SORBS3: variants seen among roughly 807,000 people sequenced by gnomAD.
SORBS3 encodes sorbin and SH3 domain containing 3.
A neutral mutation model predicts 98.0 loss-of-function variants in SORBS3; 69 were observed. That is an observed-to-expected ratio of 0.70 (90% CI 0.58 to 0.86). The LOEUF is 0.86. Ranked by LOEUF, SORBS3 falls within the 40% of genes least tolerant of loss-of-function variation. The pLI is 0.00. For synonymous variants in SORBS3, 394 were observed against 355.4 expected (o/e 1.11, Z -1.22); for missense variants, 954 against 908.5 (o/e 1.05, Z -0.64).
upstream of SORBS3, chr8:22,551,913 C>T (rs917505705): frequency 2.9e-5 from 29 of 985,306 alleles, no homozygotes; most frequent in African/African-American, 4.4e-4. The surrounding 1 kb of genome is among the most constrained non-coding windows in gnomAD (Gnocchi z 5.8). Context: ...CGACGGCCCG[C>T]GCTTCTCCTT....
At chr8:22,571,271 TC>T in intron 18 of SORBS3, 50 bp downstream of exon 18, 2 of 1,074,080 alleles carry the variant, frequency 1.9e-6, no homozygotes, top group Non-Finnish European at 2.7e-6. Context: ...TCACCCCTCA[TC>T]CCCCACCCCC....
At chr8:22,547,901 G>A (rs1235875116), upstream of SORBS3, among the ~76,000 whole-genome samples, 1 of 152,162 alleles carries the variant, frequency 6.6e-6, no homozygotes, top group Non-Finnish European at 1.5e-5. Context: ...GGATAAATTG[G>A]GCAAACGGCT....
intron 7 of SORBS3, among the ~76,000 whole-genome samples, chr8:22,563,620 T>C (rs1840341671): frequency 6.6e-6 from 1 of 152,110 alleles, no homozygotes; most frequent in Non-Finnish European, 1.5e-5. Context: ...CAGGACACTT[T>C]AGCAAAAAGG....
chr8:22,547,392 ATAATT>A (rs1015439201), upstream of SORBS3, among the ~76,000 whole-genome samples: 9 of 152,164 alleles, frequency 5.9e-5, no homozygotes, highest in Non-Finnish European at 1.3e-4. Flanking sequence ...CAGTAGATGA[ATAATT>A]TAATGGTAAA....
chr8:22,571,699 T>G lies in SORBS3; in HGVS notation c.1744-19T>G, dbSNP rs748524651. On this transcript the variant is annotated intron_variant, in intron 18 of 20. Transcript: ENST00000240123. ...CGTCTTCCTCCCTCTGACATCCCTT[T>G]CTTCCTGTCAACTCCCAGAATCTTG... 4.4e-6 allele frequency: 7 copies of G among 1,584,908 alleles called. No individual in the cohort carries two copies. Among genetic ancestry groups the G allele is most frequent in the African/African-American group, 1.3e-5 (1 of 74,296 alleles).
intron 5 of SORBS3, among the ~76,000 whole-genome samples, chr8:22,558,684 A>G (rs576433108): frequency 6.6e-6 from 1 of 152,334 alleles, no homozygotes; most frequent in African/African-American, 2.4e-5. Context: ...GAAGTCACAC[A>G]ATAAACAGAC....
chr8:22,554,731 C>A lies in SORBS3; in HGVS notation c.102+123C>A. 2.2e-6 allele frequency: 3 copies of A among 1,363,426 alleles called. No individual in the cohort carries two copies. Among genetic ancestry groups the A allele is most frequent in the Non-Finnish European group, 2.0e-6 (2 of 1,004,128 alleles). 84.5% of individuals were successfully genotyped at this position (1,363,426 alleles called of 1,614,324 possible). ...GAGGGCTGAAGAGAGCTCTGGGGGG[C>A]CTCGCTGGTTTCCCACAAAATCGTC... On this transcript the variant is annotated intron_variant, in intron 2 of 20. Transcript: ENST00000240123. This position sits in a 1 kb window ranked among gnomAD's most constrained non-coding sequence, Gnocchi z 6.5.
chr8:22,565,102 T>C (rs1840377122), intron 10 of SORBS3, 166 bp from the exon 11 acceptor site: 3 of 1,447,796 alleles, frequency 2.1e-6, no homozygotes, highest in South Asian at 2.8e-5. Context: ...GATGCCCTCT[T>C]GGCACCCTGG....
At position 22,567,195 on chromosome 8, in the gene SORBS3, G is replaced by C; in HGVS notation, c.1305+20G>C. ...GTGGAGGTGAGCAGGAGAGACAAGA[G>C]CAAGTGGGGCTGGGCTGGGAGGGCG... On this transcript the variant is annotated intron_variant, in intron 16 of 20. Transcript: ENST00000240123. 1 of 1,384,422 alleles carries C rather than the reference G, an allele frequency of 7.2e-7. No individual in the cohort carries two copies. The highest frequency in any genetic ancestry group is 1.4e-5 in the African/African-American group (1 of 70,530). 85.8% of individuals were successfully genotyped at this position (1,384,422 alleles called of 1,614,324 possible).
upstream of SORBS3, among the ~76,000 whole-genome samples, chr8:22,548,707 C>G (rs982741928): frequency 4.0e-5 from 6 of 151,070 alleles, no homozygotes; most frequent in African/African-American, 1.2e-4. Context: ...TCTGAATTGC[C>G]GATTCCCAGC....
At chr8:22,561,091 G>A (rs568198079) in intron 5 of SORBS3, 3 of 460,562 alleles carry the variant, frequency 6.5e-6, no homozygotes, top group African/African-American at 4.0e-5. Context: ...GGGAGGAGCA[G>A]GAGGGCTTGG....
At chr8:22,563,647 G>A (rs753018570) in intron 7 of SORBS3, among the ~76,000 whole-genome samples, 3 of 152,132 alleles carry the variant, frequency 2.0e-5, no homozygotes, top group Admixed American at 1.3e-4. Context: ...GGAGAGGGTC[G>A]GGCCACACCT....
At chr8:22,549,651 C>T (rs1840053033), upstream of SORBS3, among the ~76,000 whole-genome samples, 1 of 152,150 alleles carries the variant, frequency 6.6e-6, no homozygotes, top group African/African-American at 2.4e-5. Flanking sequence ...GGTGATAAAC[C>T]CGGCAGAGCC....
chr8:22,566,721 G>A lies in SORBS3; in HGVS notation c.1143+8G>A, dbSNP rs925099791. 4 of 1,613,458 alleles carry A rather than the reference G, an allele frequency of 2.5e-6. No individual in the cohort carries two copies. The highest frequency in any genetic ancestry group is 2.7e-5 in the African/African-American group (2 of 74,916). On this transcript the variant is annotated splice_region_variant and intron_variant, in intron 14 of 20. Transcript: ENST00000240123. Reference sequence around the variant, plus strand: ...AGGAGGGAAGAGAAGAAGGTAAGGAGGGGACCAGGTGTGGGGGACCTGGAG... The same window carrying A: ...AGGAGGGAAGAGAAGAAGGTAAGGAAGGGACCAGGTGTGGGGGACCTGGAG...
upstream of SORBS3, among the ~76,000 whole-genome samples, chr8:22,548,824 C>T (rs567153070): frequency 2.2e-3 from 336 of 152,272 alleles, no homozygotes; most frequent in Non-Finnish European, 3.9e-3. Context: ...CTGCCCACCC[C>T]GCTCACCCCG....
chr8:22,567,788 C>T (rs1054568642), intron 16 of SORBS3, among the ~76,000 whole-genome samples: 5 of 151,362 alleles, frequency 3.3e-5, no homozygotes, highest in Admixed American at 6.6e-5. Context: ...TAAAGGTGTT[C>T]ATTATAGTCT....
rs369761765 is a variant in SORBS3, at chr8:22,556,867, G to C, written c.373G>C (p.Gly125Arg). Reference protein sequence around the residue: ...DKRWVKYEGIGPVDESGMPIA... With the variant: ...DKRWVKYEGIRPVDESGMPIA... ...GCGCTGGGTCAAGTACGAGGGAATC[G>C]GGCCCGTGGACGAGAGCGGCATGCC... The change falls in exon 4 of 21, where the codon GGG (glycine) becomes CGG (arginine). Residue 125 changes from glycine to arginine, a missense_variant. Physicochemically the swap from Gly to Arg is moderately radical, Grantham distance 125. Transcript: ENST00000240123. 6.8e-6 allele frequency: 11 copies of C among 1,613,342 alleles called. No individual in the cohort carries two copies. The highest frequency in any genetic ancestry group is 9.3e-6 in the Non-Finnish European group (11 of 1,180,006).
At position 22,564,349 on chromosome 8, in the gene SORBS3, G is replaced by C. The variant is rs749119296; in HGVS notation, c.742G>C (p.Glu248Gln). Residue 248 changes from glutamate to glutamine, a missense_variant, in exon 9 of 21, where the codon GAA becomes CAA. Coordinates refer to ENST00000240123, the MANE Select transcript of SORBS3 (RefSeq NM_005775.5). ...TEESWNQFLQ[E>Q]LETGQRPKKP... ...AGAGTCCTGGAACCAGTTTCTGCAG[G>C]AACTAGAGACTGGGCAGAGGGTGAG... 1.9e-6 allele frequency: 3 copies of C among 1,614,054 alleles called. No individual in the cohort carries two copies. In the South Asian group the frequency reaches 3.3e-5, roughly 18 times the overall value.
In SORBS3 at chr8:22,554,585, G is replaced by A; in HGVS notation, c.79G>A (p.Gly27Arg). The A allele has an allele frequency of 6.2e-7, 1 of 1,612,828 alleles. No homozygotes were observed. The highest frequency in any genetic ancestry group is 1.7e-5 in the Admixed American group (1 of 60,018). Residue 27 changes from glycine (G) to arginine (R), a missense_variant, in exon 2 of 21, where the codon GGG becomes AGG. Physicochemically the swap from Gly to Arg is moderately radical, Grantham distance 125. Coordinates refer to ENST00000240123, the MANE Select transcript of SORBS3 (RefSeq NM_005775.5). This position sits in a 1 kb window ranked among gnomAD's most constrained non-coding sequence, Gnocchi z 6.5. ...FIPGHLQSHI[G>R]SSSRGTRVPV... ...CCCTGGCCACCTCCAGTCCCACATAGGGTCTTCCTCCCGGGGGACACGGGT... is the reference window on the plus strand; with the variant it reads ...CCCTGGCCACCTCCAGTCCCACATAAGGTCTTCCTCCCGGGGGACACGGGT...
Sources: gnomAD v4.1 joint callset for allele counts (sites outside exome capture counted in the v4.1 genomes callset) on GRCh38, gnomAD v4.1.1 for gene constraint, Gnocchi (gnomAD v3.1) non-coding constraint, MANE v1.5 for transcripts, NCBI Gene and HGNC (gene_info 2026-07-23, HGNC 2026-07-21) for gene names.